The following AVEN variants were observed in gnomAD, a reference collection of about 807,000 sequenced individuals.
The protein encoded by AVEN is apoptosis and caspase activation inhibitor, also known as cell death regulator Aven.
Under a neutral mutation model 38.1 loss-of-function variants are expected in AVEN, and 41 were observed. The ratio of observed to expected loss-of-function variants is 1.08; its 90% CI spans 0.84 to 1.40. AVEN has a LOEUF of 1.40. AVEN is among the 40% of genes most tolerant of loss of function. AVEN has a pLI of 0.00. For synonymous variants in AVEN, 206 were observed against 171.8 expected, an observed-to-expected ratio of 1.20 and a Z score of -1.56; for missense variants, 605 against 438.8, an observed-to-expected ratio of 1.38 and a Z score of -3.38.
intron 5 of AVEN, 61 bp downstream of exon 5, chr15:33,867,434 G>A (rs990049928): frequency 1.3e-4 from 201 of 1,527,214 alleles, no homozygotes; most frequent in Admixed American, 6.4e-4. Context: ...TGATGCGGGC[G>A]GGGCTGTTCT....
intron 11 of AVEN, chr15:33,861,107 T>G: frequency 1.3e-6 from 2 of 1,595,912 alleles, no homozygotes; most frequent in Admixed American, 1.7e-5. Flanking sequence ...GGATTGGCAA[T>G]GACTACTTTG....
At position 33,942,576 on chromosome 15, in the gene AVEN, A is replaced by C. The variant is rs563937348; in HGVS notation, c.445+60456T>G. Among the ~76,000 whole-genome samples the C allele has an allele frequency of 2.5e-4, 38 of 151,874 alleles. No homozygotes were observed. The East Asian group carries it at 6.8e-3, about 27-fold the overall frequency. ...CGCCATTCTCCTGCCTCAGCCTCCC[A>C]AGTAGCTGGGACTACAGGCACCCGC... On this transcript the variant is annotated intron_variant, in intron 2 of 5. Transcript: ENST00000306730.
At chr15:34,021,538 G>A (rs1898200616) in intron 1 of AVEN, among the ~76,000 whole-genome samples, 1 of 152,076 alleles carries the variant, frequency 6.6e-6, no homozygotes, top group South Asian at 2.1e-4. Flanking sequence ...ACCGCGCCTG[G>A]CTTATTTTCT....
chr15:33,927,810 T>G (rs1014905138), intron 2 of AVEN, among the ~76,000 whole-genome samples: 3 of 152,346 alleles, frequency 2.0e-5, no homozygotes, highest in South Asian at 2.1e-4. Context: ...GGCTTTGGTG[T>G]GGCCCTGGAA....
At chr15:33,857,119 TA>T (rs2079760614), downstream of AVEN, among the ~76,000 whole-genome samples, 1 of 152,182 alleles carries the variant, frequency 6.6e-6, no homozygotes, top group South Asian at 2.1e-4. Flanking sequence ...ACGCCCAATC[TA>T]ATGCCCTATA....
intron 2 of AVEN, among the ~76,000 whole-genome samples, chr15:33,988,812 T>C (rs1459376684): frequency 1.3e-5 from 2 of 152,246 alleles, no homozygotes. Flanking sequence ...GGACCATTGT[T>C]GAACCCATTT....
chr15:33,866,191 T>C (rs767706373), downstream of AVEN: 50 of 172,708 alleles, frequency 2.9e-4, no homozygotes, highest in Non-Finnish European at 1.0e-4. Flanking sequence ...ATGAGACGAA[T>C]TGCCCAGGGC....
chr15:34,057,142 G>GT (rs763552413), intron 5 of AVEN, among the ~76,000 whole-genome samples: 26,877 of 148,690 alleles, frequency 0.18, 2,706 homozygotes, highest in Middle Eastern at 0.27. Flanking sequence ...GTTTTTTTTG[G>GT]TTTTTTTTTT....
rs1204385378 is a variant in AVEN, at chr15:33,962,669, CATA to C, written c.445+40360_445+40362del. 6.0e-3 allele frequency among the ~76,000 whole-genome samples: 263 copies of C among 43,868 alleles called. 3 individuals are homozygous for C. In the East Asian group the frequency reaches 0.17, roughly 29 times the overall value. The allele number at this position is 43,868 out of a possible 152,430, so 28.8% of individuals were successfully genotyped here. ...CATAACAAATCACTAAATTTCCCTG[CATA>C]ATATCTGTCTGTCTATAATTCCCCC... On this transcript the variant is annotated intron_variant, in intron 2 of 5. Coordinates refer to ENST00000306730, the MANE Select transcript of AVEN (RefSeq NM_020371.3).
At chr15:33,861,573 G>A (rs1287998992), downstream of AVEN, among the ~76,000 whole-genome samples, 2 of 150,292 alleles carry the variant, frequency 1.3e-5, no homozygotes, top group African/African-American at 4.9e-5. Flanking sequence ...CAGCACAATT[G>A]AAAGCTGTCC....
At chr15:34,050,993 A>G (rs1430949447) in intron 5 of AVEN, among the ~76,000 whole-genome samples, 1 of 152,242 alleles carries the variant, frequency 6.6e-6, no homozygotes, top group African/African-American at 2.4e-5. Context: ...GTTCTGAATC[A>G]AGTGGACCTG....
intron 2 of AVEN, among the ~76,000 whole-genome samples, chr15:33,879,828 T>A (rs567554406): frequency 1.3e-5 from 2 of 152,254 alleles, no homozygotes; most frequent in South Asian, 4.2e-4. Flanking sequence ...GCTACCTGGA[T>A]CAATTAGAAA....
intron 2 of AVEN, among the ~76,000 whole-genome samples, chr15:33,957,373 A>G (rs1894996059): frequency 6.6e-6 from 1 of 152,188 alleles, no homozygotes; most frequent in South Asian, 2.1e-4. Flanking sequence ...TCTTCACTAG[A>G]GTCAATAAAA....
chr15:34,020,095 A>G (rs551181603), intron 1 of AVEN, among the ~76,000 whole-genome samples: 1 of 152,224 alleles, frequency 6.6e-6, no homozygotes, highest in East Asian at 1.9e-4. Context: ...GTGGATCACA[A>G]GGTCAGGAGA....
At chr15:33,976,217 A>T (rs569082836) in intron 2 of AVEN, among the ~76,000 whole-genome samples, 1 of 152,346 alleles carries the variant, frequency 6.6e-6, no homozygotes, top group African/African-American at 2.4e-5. Context: ...ATTATGACAT[A>T]CTATTTATAT....
intron 2 of AVEN, among the ~76,000 whole-genome samples, chr15:33,989,024 T>C (rs527696339): frequency 2.2e-4 from 33 of 150,160 alleles, no homozygotes; most frequent in Admixed American, 1.5e-3. Context: ...TCAGGCTTCT[T>C]TTGCTTAGCA....
chr15:33,898,458 G>A (rs1567403208), intron 2 of AVEN, among the ~76,000 whole-genome samples: 1 of 152,146 alleles, frequency 6.6e-6, no homozygotes, highest in Non-Finnish European at 1.5e-5. Context: ...AAGGCTCTAG[G>A]GGAGGAGCTT....
intron 2 of AVEN, among the ~76,000 whole-genome samples, chr15:33,908,995 A>G (rs1335430701): frequency 1.3e-5 from 2 of 152,142 alleles, no homozygotes; most frequent in East Asian, 3.9e-4. Context: ...GATGCACTGA[A>G]GTGTTTCTGT....
downstream of AVEN, chr15:33,865,506 C>CTAGTTTAGTTTGTTGGGATGG (rs1890204205): frequency 5.4e-6 from 2 of 367,830 alleles, no homozygotes; most frequent in African/African-American, 4.1e-5. Flanking sequence ...TCTGAGGTAA[C>CTAGTTTAGTTTGTTGGGATGG]TAGTTCAGTT....
Sources: gnomAD v4.1 joint callset for allele counts (sites outside exome capture counted in the v4.1 genomes callset) on GRCh38, gnomAD v4.1.1 for gene constraint, MANE v1.5 for transcripts, NCBI Gene and HGNC (gene_info 2026-07-23, HGNC 2026-07-21) for gene names.